The following CD1B variants were observed in gnomAD, a reference collection of about 807,000 sequenced individuals.
CD1B encodes T-cell surface glycoprotein CD1b.
A neutral mutation model predicts 39.8 loss-of-function variants in CD1B; 43 were observed. The ratio of observed to expected loss-of-function variants is 1.08; its 90% confidence interval spans 0.85 to 1.39. CD1B has a LOEUF of 1.39. Among genes scored for constraint, CD1B ranks in the 40% most tolerant of loss-of-function variants. The pLI is 0.00. For missense variants in CD1B, 495 were observed against 403.8 expected (o/e 1.23, Z -1.94); for synonymous variants, 192 against 152.5 (o/e 1.26, Z -1.91).
the CD1B span, among the ~76,000 whole-genome samples, chr1:158,315,563 T>C: frequency 2.6e-5 from 4 of 151,790 alleles, no homozygotes; most frequent in African/African-American, 9.7e-5. Context: ...ATTAGCCCTT[T>C]GTCAGATGAG....
the CD1B span, among the ~76,000 whole-genome samples, chr1:158,290,690 T>G: frequency 3.3e-5 from 5 of 152,216 alleles, no homozygotes; most frequent in African/African-American, 1.2e-4. Context: ...GAAGTCAGAA[T>G]ATAGATGTAG....
At chr1:158,292,517 A>G in the CD1B span, 3 of 1,517,436 alleles carry the variant, frequency 2.0e-6, no homozygotes, top group Non-Finnish European at 1.8e-6. Context: ...ATAACTGTGC[A>G]TATTCATGTG....
chr1:158,291,513 G>T, the CD1B span: 2 of 1,067,746 alleles, frequency 1.9e-6, no homozygotes, highest in Non-Finnish European at 2.8e-6. Context: ...ATAAAATTCT[G>T]CATAGATGAA....
the CD1B span, among the ~76,000 whole-genome samples, chr1:158,310,852 C>T: frequency 2.6e-5 from 4 of 152,100 alleles, no homozygotes; most frequent in East Asian, 7.7e-4. Context: ...AGAATACTTA[C>T]ACTCTGCTGG....
chr1:158,323,388 C>T (rs2317882), downstream of CD1B, among the ~76,000 whole-genome samples: 78,255 of 151,804 alleles, frequency 0.52, 23,227 homozygotes, highest in African/African-American at 0.82. Flanking sequence ...AATTTCTGAA[C>T]TGCTTTTCTC....
intron 4 of CD1B, 48 bp from the exon 5 acceptor site, chr1:158,329,062 C>A: frequency 1.3e-6 from 2 of 1,483,012 alleles, no homozygotes; most frequent in Non-Finnish European, 9.3e-7. Flanking sequence ...ATACTATACA[C>A]AGAATTCCTT....
At chr1:158,324,016 A>G (rs945904689), downstream of CD1B, among the ~76,000 whole-genome samples, 1 of 152,252 alleles carries the variant, frequency 6.6e-6, no homozygotes, top group Admixed American at 6.5e-5. Context: ...TTGTGTGAGC[A>G]GTAATAAACT....
At chr1:158,315,701 C>T in the CD1B span, among the ~76,000 whole-genome samples, 2 of 151,882 alleles carry the variant, frequency 1.3e-5, no homozygotes, top group East Asian at 3.9e-4. Flanking sequence ...GTTGCCATTG[C>T]TTTTGGTGTT....
chr1:158,309,936 C>A, the CD1B span, among the ~76,000 whole-genome samples: 1 of 151,626 alleles, frequency 6.6e-6, no homozygotes, highest in Non-Finnish European at 1.5e-5. Flanking sequence ...ACATATGTAA[C>A]TAACCTGCAC....
the CD1B span, among the ~76,000 whole-genome samples, chr1:158,311,105 G>A: frequency 9.9e-5 from 15 of 152,190 alleles, no homozygotes; most frequent in African/African-American, 3.4e-4. Context: ...TCTTTAATGG[G>A]TATGTAGTAT....
the CD1B span, among the ~76,000 whole-genome samples, chr1:158,314,970 T>A: frequency 6.7e-6 from 1 of 148,444 alleles, no homozygotes; most frequent in Admixed American, 6.7e-5. Flanking sequence ...TCCATGTCCC[T>A]ACAAAGGACA....
rs140569765 is a variant in CD1B at position 158,329,508 on chromosome 1, G to C, written c.748C>G (p.Leu250Val). ...RGEQEQQGTQ[L>V]GDILPNANWT... Reference sequence around the variant, plus strand: ...TTAGCATTGGGCAGGATGTCCCCTAGCTGAGTGCCCTGCTGCTCCTGCTCA... The same window carrying C: ...TTAGCATTGGGCAGGATGTCCCCTACCTGAGTGCCCTGCTGCTCCTGCTCA... Residue 250 changes from leucine to valine, a missense_variant, in exon 4 of 6, where the codon CTA becomes GTA. Leu to Val is a conservative substitution (Grantham distance 32). Transcript: ENST00000368168. The C allele has an allele frequency of 1.2e-6, 2 of 1,614,036 alleles. No individual in the cohort carries two copies. The highest frequency in any genetic ancestry group is 1.3e-5 in the African/African-American group (1 of 74,910).
chr1:158,331,070 G>T lies in CD1B; in HGVS notation c.62-8C>A. 4 of 1,596,704 alleles carry T rather than the reference G, an allele frequency of 2.5e-6. No homozygotes were observed. Among genetic ancestry groups the T allele is most frequent in the Non-Finnish European group, 3.4e-6 (4 of 1,173,726 alleles). On this transcript the variant is annotated splice_polypyrimidine_tract_variant and splice_region_variant and intron_variant, in intron 1 of 5. Transcript: ENST00000368168. ...AGGTCGGCCCCTGGAAGGCTGTGAA[G>T]AGTGGAAAAGCAAGATGGTGAAGAT...
the CD1B span, among the ~76,000 whole-genome samples, chr1:158,317,671 G>C: frequency 3.0e-3 from 454 of 152,116 alleles, 3 homozygotes; most frequent in African/African-American, 0.01. Context: ...CTTCAGTTCT[G>C]CTCTGATTTT....
the CD1B span, among the ~76,000 whole-genome samples, chr1:158,299,589 G>C: frequency 1.3e-5 from 2 of 152,174 alleles, no homozygotes; most frequent in African/African-American, 4.8e-5. Flanking sequence ...ACCTTTAGTA[G>C]AATTTGTCTG....
the CD1B span, among the ~76,000 whole-genome samples, chr1:158,318,516 G>T: frequency 6.6e-6 from 1 of 151,936 alleles, no homozygotes; most frequent in Non-Finnish European, 1.5e-5. Flanking sequence ...CATTTGCTTG[G>T]TAGATCTTCC....
chr1:158,290,185 T>TC, the CD1B span: 1 of 1,446,440 alleles, frequency 6.9e-7, no homozygotes, highest in Non-Finnish European at 9.7e-7. Context: ...TGCTGGGCTT[T>TC]CCCGAGATGG....
the CD1B span, among the ~76,000 whole-genome samples, chr1:158,306,057 A>G: frequency 6.6e-6 from 1 of 152,138 alleles, no homozygotes; most frequent in African/African-American, 2.4e-5. Context: ...CATCATAATG[A>G]CAGGATCAAA....
the CD1B span, chr1:158,290,192 A>G: frequency 7.1e-7 from 1 of 1,399,472 alleles, no homozygotes; most frequent in Non-Finnish European, 1.0e-6. Context: ...CTTTCCCGAG[A>G]TGGATCAATA....
Sources: gnomAD v4.1 joint callset for allele counts (sites outside exome capture counted in the v4.1 genomes callset) on GRCh38, gnomAD v4.1.1 for gene constraint, MANE v1.5 for transcripts, NCBI Gene and HGNC (gene_info 2026-07-23, HGNC 2026-07-21) for gene names.